The following MAST2 variants were observed in gnomAD, a reference collection of about 807,000 sequenced individuals.
The protein encoded by MAST2 is microtubule associated serine/threonine kinase 2.
Under a neutral mutation model 147.4 loss-of-function variants are expected in MAST2, and 70 were observed. That is an observed-to-expected ratio of 0.47 (90% CI 0.39 to 0.58). The LOEUF is 0.58. Ranked by LOEUF, MAST2 falls within the 20% of genes least tolerant of loss-of-function variation. The pLI is 0.00. For missense variants in MAST2, 2,080 were observed against 2,302.3 expected (o/e 0.90, Z 1.98); for synonymous variants, 869 against 896.8 (o/e 0.97, Z 0.55).
intron 4 of MAST2, among the ~76,000 whole-genome samples, chr1:45,922,263 G>A (rs1319237116): frequency 6.6e-6 from 1 of 152,222 alleles, no homozygotes; most frequent in Non-Finnish European, 1.5e-5. Context: ...CGGTTTCTGG[G>A]ACTGGCGACC....
At chr1:45,916,902 A>T (rs1329876449) in intron 4 of MAST2, among the ~76,000 whole-genome samples, 1 of 152,126 alleles carries the variant, frequency 6.6e-6, no homozygotes, top group Non-Finnish European at 1.5e-5. Context: ...AACATGATGA[A>T]ACCCTGTTTG....
chr1:45,844,752 TA>T (rs1645378876), intron 3 of MAST2, among the ~76,000 whole-genome samples: 1 of 152,190 alleles, frequency 6.6e-6, no homozygotes, highest in Non-Finnish European at 1.5e-5. Context: ...GCATTTAAAA[TA>T]AAAAATTTTT....
intron 13 of MAST2, 29 bp downstream of exon 13, chr1:46,023,000 C>T: frequency 6.3e-7 from 1 of 1,596,190 alleles, no homozygotes; most frequent in African/African-American, 1.3e-5. Flanking sequence ...TACCCCATTC[C>T]TGGAGCCTGG....
chr1:45,998,539 G>A (rs1345832488), intron 6 of MAST2, among the ~76,000 whole-genome samples: 1 of 152,036 alleles, frequency 6.6e-6, no homozygotes, highest in Non-Finnish European at 1.5e-5. Context: ...TTTCTTGTCA[G>A]AACTTTTCTA....
At chr1:45,854,296 C>T (rs968612177) in intron 3 of MAST2, among the ~76,000 whole-genome samples, 1 of 150,924 alleles carries the variant, frequency 6.6e-6, no homozygotes, top group African/African-American at 2.4e-5. Flanking sequence ...GAGATCGTAC[C>T]ACTGTACTGC....
At chr1:45,884,442 C>G (rs1646991715) in intron 4 of MAST2, among the ~76,000 whole-genome samples, 1 of 152,138 alleles carries the variant, frequency 6.6e-6, no homozygotes. Flanking sequence ...GTCCCAGTTA[C>G]TCAGGGGGCT....
intron 3 of MAST2, among the ~76,000 whole-genome samples, chr1:45,874,894 G>A (rs1170548820): frequency 6.6e-6 from 1 of 152,184 alleles, no homozygotes; most frequent in Non-Finnish European, 1.5e-5. Context: ...CAGAGGAAAC[G>A]AAGTTTAAGC....
chr1:45,898,653 AGCCATGTTCAGG>A (rs1387996692), intron 4 of MAST2, among the ~76,000 whole-genome samples: 2 of 152,188 alleles, frequency 1.3e-5, no homozygotes, highest in East Asian at 3.8e-4. Flanking sequence ...CTCATTTGCC[AGCCATGTTCAGG>A]GCCTTCCTAC....
At chr1:45,970,798 GTTT>G (rs770669631) in intron 5 of MAST2, among the ~76,000 whole-genome samples, 1 of 130,704 alleles carries the variant, frequency 7.7e-6, no homozygotes. Flanking sequence ...ACTAAGAAGT[GTTT>G]TTTTTTTTTT....
chr1:46,002,326 A>T (rs1645307457), intron 6 of MAST2, among the ~76,000 whole-genome samples: 1 of 152,128 alleles, frequency 6.6e-6, no homozygotes, highest in Admixed American at 6.5e-5. Flanking sequence ...TTTCCCATTG[A>T]TTAGCTCAGT....
Position 46,034,776 on chromosome 1 carries a change from T to C in MAST2, c.4107T>C (p.His1369=), listed in dbSNP as rs759996172. 21 of 1,613,724 alleles carry C rather than the reference T, an allele frequency of 1.3e-5. No individual in the cohort carries two copies. The highest frequency in any genetic ancestry group is 1.6e-4 in the Middle Eastern group (1 of 6,062). ...GGTCCCCATCGCCCCTGTCTGGCCA[T>C]GTAGCCCAGGCCTTTCCCACAAAGC... The part of the protein sequence containing the change: ...PQRSPSPLSG[H]VAQAFPTKLH... Residue 1369 remains histidine, a synonymous_variant, in exon 29 of 29, where the codon CAT becomes CAC. Coordinates refer to ENST00000361297, the MANE Select transcript of MAST2 (RefSeq NM_015112.3).
rs894814729 is a variant in MAST2 at position 45,836,138 on chromosome 1, A to G, written c.468+6557A>G. Among the ~76,000 whole-genome samples the G allele has an allele frequency of 1.1e-4, 17 of 152,298 alleles. No individual in the cohort carries two copies. The East Asian group carries it at 2.1e-3, about 19-fold the overall frequency. ...TACCTAAGAGTAGATTTGTTGGATG[A>G]TACAGTAATTCTTTGTTTAACTTTT... On this transcript the variant is annotated intron_variant, in intron 3 of 28. Coordinates refer to ENST00000361297, the MANE Select transcript of MAST2 (RefSeq NM_015112.3).
chr1:45,985,119 G>A (rs957096320), intron 5 of MAST2, among the ~76,000 whole-genome samples: 9 of 152,014 alleles, frequency 5.9e-5, no homozygotes, highest in Admixed American at 2.6e-4. Flanking sequence ...GTGCAGTGGC[G>A]TGATCTCAGC....
At chr1:45,907,299 A>G (rs1400459843) in intron 4 of MAST2, among the ~76,000 whole-genome samples, 1 of 152,168 alleles carries the variant, frequency 6.6e-6, no homozygotes, top group African/African-American at 2.4e-5. Flanking sequence ...ATTCTGTCCA[A>G]GAAATCTGTG....
chr1:46,029,305 G>A, intron 18 of MAST2, 161 bp from the exon 19 acceptor site: 1 of 597,910 alleles, frequency 1.7e-6, no homozygotes, highest in East Asian at 2.8e-5. Flanking sequence ...TATGGTCTAG[G>A]AACCTATAGA....
At chr1:45,872,091 C>T (rs1265107791) in intron 3 of MAST2, among the ~76,000 whole-genome samples, 1 of 152,300 alleles carries the variant, frequency 6.6e-6, no homozygotes, top group East Asian at 1.9e-4. Context: ...CTATCCACTT[C>T]CAATGGAGTG....
intron 5 of MAST2, among the ~76,000 whole-genome samples, chr1:45,993,693 T>A (rs991086608): frequency 2.0e-5 from 3 of 151,288 alleles, no homozygotes; most frequent in East Asian, 1.9e-4. Flanking sequence ...CAAAAAAAAA[T>A]TTTTTTTTGC....
chr1:46,025,920 A>T (rs1206013856), intron 16 of MAST2, 105 bp downstream of exon 16: 3 of 1,423,764 alleles, frequency 2.1e-6, no homozygotes, highest in Non-Finnish European at 2.9e-6. Context: ...GGCTACCGGG[A>T]AAACATGCTC....
intron 4 of MAST2, among the ~76,000 whole-genome samples, chr1:45,954,628 C>T (rs542871582): frequency 1.3e-5 from 2 of 152,232 alleles, no homozygotes; most frequent in South Asian, 4.2e-4. Context: ...AAGACTTGCC[C>T]TTTATCTTCT....
Sources: allele counts gnomAD v4.1 joint callset (sites outside exome capture counted in the v4.1 genomes callset), GRCh38; gene constraint gnomAD v4.1.1; transcripts MANE v1.5; gene names NCBI Gene and HGNC (gene_info 2026-07-23, HGNC 2026-07-21).